Variants in SH3GL3 observed in about 807,000 individuals in gnomAD.
SH3GL3 encodes SH3 domain containing GRB2 like 3, endophilin A3, also known as endophilin-A3.
A neutral mutation model predicts 47.7 loss-of-function variants in SH3GL3; 33 were observed. The ratio of observed to expected loss-of-function variants is 0.69; its 90% CI spans 0.52 to 0.92. The LOEUF is 0.92. Among genes scored for constraint, SH3GL3 ranks in the 40% least tolerant of loss-of-function variants. The pLI is 0.00. For missense variants in SH3GL3, 363 were observed against 417.8 expected (o/e 0.87, Z 1.14); for synonymous variants, 155 against 148.8 (o/e 1.04, Z -0.30).
At chr15:83,560,555 T>C (rs1390175565) in intron 2 of SH3GL3, among the ~76,000 whole-genome samples, 2 of 152,208 alleles carry the variant, frequency 1.3e-5, no homozygotes, top group Non-Finnish European at 2.9e-5. Flanking sequence ...TTTAAAAGCA[T>C]TTTTCCAGAG....
rs373064681 is a variant in SH3GL3 at position 83,588,647 on chromosome 15, C to T, written c.729-15C>T. 2.8e-5 allele frequency: 42 copies of T among 1,484,508 alleles called. No homozygotes were observed. The highest frequency in any genetic ancestry group is 6.7e-5 in the Admixed American group (4 of 59,798). The allele number at this position is 1,484,508 out of a possible 1,614,324, so 92.0% of individuals were successfully genotyped here. A position where few individuals can be genotyped will look rare whatever the true frequency, so the allele number is the denominator to read the frequency against. ...AACATCAGATGTCTGGCTCATCTTA[C>T]GATGTGTGTTACAGAATATCAGCTG... On this transcript the variant is annotated splice_polypyrimidine_tract_variant and intron_variant, in intron 7 of 8. Transcript: ENST00000427482.
chr15:83,586,109 T>C (rs2059948259), intron 6 of SH3GL3, among the ~76,000 whole-genome samples: 3 of 152,314 alleles, frequency 2.0e-5, no homozygotes, highest in East Asian at 1.9e-4. Context: ...CTAGAGTTGA[T>C]TGGATTCTTG....
downstream of SH3GL3, among the ~76,000 whole-genome samples, chr15:83,619,336 TG>T (rs1480838040): frequency 6.6e-6 from 1 of 152,092 alleles, no homozygotes; most frequent in Non-Finnish European, 1.5e-5. Flanking sequence ...ACACAAATTC[TG>T]GGGGTTTCCC....
At position 83,588,742 on chromosome 15, in the gene SH3GL3, T is replaced by C; in HGVS notation, c.809T>C (p.Val270Ala). The change falls in exon 8 of 9, where the codon GTT becomes GCT. Residue 270 changes from valine to alanine, a missense_variant. Physicochemically the swap from Val to Ala is moderately conservative, Grantham distance 64 (BLOSUM62 0). Transcript: ENST00000427482. ...VKRSSSELNG[V>A]STTSVVKTTG... ...AGGAGTTCTAGTGAGCTCAATGGAGTTTCCACCACCTCTGTAGTGAAGACG... is the reference window on the plus strand; with the variant it reads ...AGGAGTTCTAGTGAGCTCAATGGAGCTTCCACCACCTCTGTAGTGAAGACG... 1.9e-6 allele frequency: 3 copies of C among 1,608,244 alleles called. No individual in the cohort carries two copies. Among genetic ancestry groups the C allele is most frequent in the Non-Finnish European group, 2.6e-6 (3 of 1,174,776 alleles).
At chr15:83,612,013 C>CT (rs1555423489) in intron 8 of SH3GL3, among the ~76,000 whole-genome samples, 1 of 128,630 alleles carries the variant, frequency 7.8e-6, no homozygotes, top group Non-Finnish European at 1.7e-5. Flanking sequence ...TGTTGTTGAC[C>CT]AAAAAAAAAA....
In SH3GL3 at chr15:83,562,377, T is replaced by A. The variant is rs575630675; in HGVS notation, c.115-2757T>A. On this transcript the variant is annotated intron_variant, in intron 2 of 8. Transcript: ENST00000427482. ...AGATCTGAAGTAGAAAATATCCCCA[T>A]TCTAATTCCTCTCATCATCATCTTT... Among the ~76,000 whole-genome samples, 3 of 152,280 alleles carry A rather than the reference T, an allele frequency of 2.0e-5. No individual in the cohort carries two copies. In the South Asian group the frequency reaches 6.2e-4, roughly 32 times the overall value.
Position 83,506,041 on chromosome 15 carries a change from G to A in SH3GL3, c.46-53212G>A, listed in dbSNP as rs2042486207. Among the ~76,000 whole-genome samples, 3 of 151,994 alleles carry A rather than the reference G, an allele frequency of 2.0e-5. No individual in the cohort carries two copies. The South Asian group carries it at 6.2e-4, about 31-fold the overall frequency. ...TTTTGATAAAAGAAATTATTTTACT[G>A]TAATAGGGTTTATTAATCTTTTCCC... On this transcript the variant is annotated intron_variant, in intron 1 of 8. Coordinates refer to ENST00000427482, the MANE Select transcript of SH3GL3 (RefSeq NM_003027.5).
intron 1 of SH3GL3, among the ~76,000 whole-genome samples, chr15:83,487,676 GGCCATTTGCAGT>G (rs2041668228): frequency 6.6e-6 from 1 of 151,984 alleles, no homozygotes; most frequent in South Asian, 2.1e-4. Context: ...GTGATACACT[GGCCATTTGCAGT>G]GTACCACTGA....
intron 1 of SH3GL3, 54 bp from the exon 2 acceptor site, chr15:83,559,199 A>C (rs1348290565): frequency 9.5e-7 from 1 of 1,054,730 alleles, no homozygotes. Context: ...TTTAGGTAAA[A>C]AACTGTGACA....
chr15:83,593,671 C>A (rs761379027), intron 8 of SH3GL3, among the ~76,000 whole-genome samples: 1 of 152,074 alleles, frequency 6.6e-6, no homozygotes, highest in Non-Finnish European at 1.5e-5. Context: ...TATCTGCATG[C>A]CTTTGTTTTT....
intron 6 of SH3GL3, among the ~76,000 whole-genome samples, 180 bp downstream of exon 6, chr15:83,576,921 A>ATTTTTTTTTTTTTTTTTTTTTTTTTT (rs71156087): frequency 1.2e-5 from 1 of 86,564 alleles, no homozygotes; most frequent in Admixed American, 1.7e-4. Context: ...AAAAATCATA[A>ATTTTTTTTTTTTTTTTTTTTTTTTTT]TTTTTTTTTT....
At chr15:83,535,317 A>G (rs2043856694) in intron 1 of SH3GL3, among the ~76,000 whole-genome samples, 1 of 152,240 alleles carries the variant, frequency 6.6e-6, no homozygotes, top group African/African-American at 2.4e-5. Context: ...TAGGTTGGAC[A>G]GGATGGCTTG....
rs1432279860 is a variant in SH3GL3 at position 83,519,926 on chromosome 15, C to CTGAAATTT, written c.46-39324_46-39317dup. ...TTGTAAGTCAAGAACTGTGGAGTGT[C>CTGAAATTT]TGAAATTTTGCCTTACTTGCAAGCT... On this transcript the variant is annotated intron_variant, in intron 1 of 8. Coordinates refer to ENST00000427482, the MANE Select transcript of SH3GL3 (RefSeq NM_003027.5). Among the ~76,000 whole-genome samples the CTGAAATTT allele has an allele frequency of 2.0e-5, 3 of 152,292 alleles. No homozygotes were observed. In the East Asian group the frequency reaches 5.8e-4, roughly 29 times the overall value.
intron 3 of SH3GL3, 97 bp from the exon 4 acceptor site, chr15:83,568,432 A>C (rs960286048): frequency 5.7e-6 from 5 of 884,396 alleles, no homozygotes; most frequent in Non-Finnish European, 7.2e-6. Flanking sequence ...ATTTTGTTTA[A>C]GGTGACCTCA....
At chr15:83,535,946 T>G (rs2043881669) in intron 1 of SH3GL3, among the ~76,000 whole-genome samples, 1 of 152,198 alleles carries the variant, frequency 6.6e-6, no homozygotes, top group Non-Finnish European at 1.5e-5. Context: ...GAGAAGGGCA[T>G]TGCCCAACTT....
intron 7 of SH3GL3, among the ~76,000 whole-genome samples, chr15:83,587,525 TAAA>T (rs35935527): frequency 9.5e-6 from 1 of 105,018 alleles, no homozygotes; most frequent in African/African-American, 3.6e-5. Flanking sequence ...TAAATATCTG[TAAA>T]AAAAAAAAAA....
At chr15:83,471,775 T>C (rs2040840712) in intron 1 of SH3GL3, among the ~76,000 whole-genome samples, 1 of 152,222 alleles carries the variant, frequency 6.6e-6, no homozygotes, top group South Asian at 2.1e-4. Flanking sequence ...ATTCAAATTG[T>C]TTTTCTCTAT....
At chr15:83,621,632 A>G (rs2060915975), downstream of SH3GL3, among the ~76,000 whole-genome samples, 1 of 152,286 alleles carries the variant, frequency 6.6e-6, no homozygotes, top group Non-Finnish European at 1.5e-5. Flanking sequence ...TGACAGAGAC[A>G]GAAAGCACAT....
At chr15:83,565,642 G>A (rs1334884667) in intron 3 of SH3GL3, 1 of 152,828 alleles carries the variant, frequency 6.5e-6, no homozygotes, top group Admixed American at 6.5e-5. Flanking sequence ...ACAAGATGTG[G>A]TGAATACGAA....
Sources: gnomAD v4.1 joint callset for allele counts (sites outside exome capture counted in the v4.1 genomes callset) on GRCh38, gnomAD v4.1.1 for gene constraint, MANE v1.5 for transcripts, NCBI Gene and HGNC (gene_info 2026-07-23, HGNC 2026-07-21) for gene names.